The following SOX6 variants were observed in gnomAD, a reference collection of about 807,000 sequenced individuals.
SOX6 encodes the protein SRY-box transcription factor 6.
Under a neutral mutation model 97.8 loss-of-function variants are expected in SOX6, and 11 were observed. That is an observed-to-expected ratio of 0.11 (90% CI 0.07 to 0.19). SOX6 has a LOEUF of 0.19. Among genes scored for constraint, SOX6 ranks in the 10% least tolerant of loss-of-function variants. The probability of loss-of-function intolerance (pLI) is 1.00; values close to 1 mark genes in which losing one functional copy is unlikely to be tolerated. For synonymous variants in SOX6, 360 were observed against 371.4 expected, an observed-to-expected ratio of 0.97 and a Z score of 0.35; for missense variants, 810 against 1,039.5, an observed-to-expected ratio of 0.78 and a Z score of 3.04.
chr11:16,333,794 T>C (rs1246215362), intron 2 of SOX6, among the ~76,000 whole-genome samples: 3 of 152,170 alleles, frequency 2.0e-5, no homozygotes, highest in Admixed American at 6.5e-5. Context: ...GTAAATGCTA[T>C]AGACTCTAAG....
rs575434525 is a variant in SOX6, at chr11:16,678,585, C to T, written n.429+36245G>A. ...TTCCCAACTGAGGTACCTGGTTCAT[C>T]TCATTGAGACTGGTTGGACAGTGGG... On this transcript the variant is annotated intron_variant and non_coding_transcript_variant, in intron 3 of 5. Transcript: ENST00000524520. 1.7e-3 allele frequency among the ~76,000 whole-genome samples: 254 copies of T among 152,284 alleles called. 6 individuals carry two copies. The highest frequency in any genetic ancestry group is 2.1e-3 in the Non-Finnish European group (146 of 68,028).
intron 1 of SOX6, among the ~76,000 whole-genome samples, chr11:16,391,750 C>A (rs548436256): frequency 6.6e-6 from 1 of 152,080 alleles, no homozygotes; most frequent in South Asian, 2.1e-4. Flanking sequence ...TACCCTCATG[C>A]AAATGATTTA....
chr11:16,026,645 ATTT>A (rs901352079), intron 12 of SOX6, among the ~76,000 whole-genome samples: 1 of 152,176 alleles, frequency 6.6e-6, no homozygotes, highest in Non-Finnish European at 1.5e-5. Context: ...TAATGTCAAG[ATTT>A]TGTATATTCT....
chr11:16,181,674 T>C (rs1359305755), intron 6 of SOX6, among the ~76,000 whole-genome samples: 1 of 151,762 alleles, frequency 6.6e-6, no homozygotes. Flanking sequence ...TTGAAAAATT[T>C]TTTGAATGGT....
At chr11:16,396,233 C>A (rs1858350187) in intron 1 of SOX6, among the ~76,000 whole-genome samples, 1 of 151,674 alleles carries the variant, frequency 6.6e-6, no homozygotes, top group Non-Finnish European at 1.5e-5. Flanking sequence ...GCATTTAGCA[C>A]ACAGAGCTCA....
At chr11:16,022,319 C>CTTCT (rs1442037138) in intron 12 of SOX6, among the ~76,000 whole-genome samples, 1 of 146,224 alleles carries the variant, frequency 6.8e-6, no homozygotes, top group African/African-American at 2.6e-5. Context: ...TCCTTCCTTC[C>CTTCT]TTCCTTCCTT....
intron 3 of SOX6, among the ~76,000 whole-genome samples, chr11:16,654,848 G>T (rs978193260): frequency 6.6e-6 from 1 of 152,042 alleles, no homozygotes; most frequent in Non-Finnish European, 1.5e-5. Flanking sequence ...TGAACCTGTT[G>T]AGGGACAGTT....
chr11:16,309,464 A>C (rs554375744), intron 3 of SOX6, among the ~76,000 whole-genome samples: 3 of 152,292 alleles, frequency 2.0e-5, no homozygotes, highest in African/African-American at 7.2e-5. Flanking sequence ...AAGGCTAAAC[A>C]ATCATTATTT....
At chr11:16,040,810 A>G (rs897350822) in intron 12 of SOX6, among the ~76,000 whole-genome samples, 7 of 152,114 alleles carry the variant, frequency 4.6e-5, no homozygotes, top group African/African-American at 1.7e-4. Flanking sequence ...TGAAACAAGG[A>G]CAGTAATACC....
chr11:16,650,917 G>A (rs1223402032), intron 3 of SOX6, among the ~76,000 whole-genome samples: 2 of 151,938 alleles, frequency 1.3e-5, no homozygotes, highest in Non-Finnish European at 2.9e-5. Flanking sequence ...ATCCAAATTA[G>A]CTCAATTAGA....
intron 3 of SOX6, among the ~76,000 whole-genome samples, chr11:16,667,066 A>T (rs1249744912): frequency 2.0e-5 from 3 of 147,994 alleles, no homozygotes; most frequent in Non-Finnish European, 4.5e-5. Context: ...CAAAAAATTA[A>T]AAAAAAAAAA....
intron 3 of SOX6, among the ~76,000 whole-genome samples, chr11:16,289,411 A>AAT (rs1328287564): frequency 2.0e-5 from 3 of 151,976 alleles, no homozygotes; most frequent in Non-Finnish European, 4.4e-5. Context: ...TCATCTCTTA[A>AAT]ATAGCTAAGG....
chr11:16,501,765 C>T (rs973811786), intron 4 of SOX6, among the ~76,000 whole-genome samples: 28 of 152,146 alleles, frequency 1.8e-4, no homozygotes, highest in Non-Finnish European at 3.7e-4. Context: ...CAATGAGATA[C>T]CATCTTACAC....
intron 2 of SOX6, among the ~76,000 whole-genome samples, chr11:16,717,046 A>G (rs75230328): frequency 1.3e-5 from 2 of 152,234 alleles, no homozygotes; most frequent in East Asian, 3.9e-4. Context: ...TATGTCTATT[A>G]TGTTTTCATC....
chr11:16,030,506 G>A (rs917892635), intron 12 of SOX6, among the ~76,000 whole-genome samples: 3 of 151,994 alleles, frequency 2.0e-5, no homozygotes, highest in Non-Finnish European at 2.9e-5. Context: ...ATTTAATACT[G>A]CCTCAAATAT....
At chr11:16,513,981 C>A (rs546513243) in intron 4 of SOX6, among the ~76,000 whole-genome samples, 5 of 152,018 alleles carry the variant, frequency 3.3e-5, no homozygotes, top group Middle Eastern at 3.4e-3. Context: ...GAGGCCAATG[C>A]GGGAGAATTG....
At chr11:16,725,250 G>T (rs561626590) in intron 2 of SOX6, among the ~76,000 whole-genome samples, 1 of 152,186 alleles carries the variant, frequency 6.6e-6, no homozygotes, top group African/African-American at 2.4e-5. Flanking sequence ...GTGGCTGGGC[G>T]CAGTGGCTGA....
intron 3 of SOX6, among the ~76,000 whole-genome samples, chr11:16,692,946 C>T (rs1257446744): frequency 6.6e-6 from 1 of 152,134 alleles, no homozygotes. Context: ...ATGTTAGTAA[C>T]AGTCAAATAC....
intron 10 of SOX6, among the ~76,000 whole-genome samples, chr11:16,051,099 T>C (rs74803979): frequency 0.014 from 2,100 of 151,572 alleles, 44 homozygotes; most frequent in African/African-American, 0.049. Context: ...CTAATATCAT[T>C]GATTAAGGGG....
Sources: allele counts gnomAD v4.1 joint callset (sites outside exome capture counted in the v4.1 genomes callset), GRCh38; gene constraint gnomAD v4.1.1; transcripts MANE v1.5; gene names NCBI Gene and HGNC (gene_info 2026-07-23, HGNC 2026-07-21).